The following GPC5 variants were observed in gnomAD, a reference collection of about 807,000 sequenced individuals.
GPC5 encodes glypican 5, also known as glypican-5.
Under a neutral mutation model 53.9 loss-of-function variants are expected in GPC5, and 47 were observed. The ratio of observed to expected loss-of-function variants is 0.87; its 90% CI spans 0.69 to 1.11. The LOEUF (loss-of-function observed/expected upper bound fraction) is 1.11. GPC5 is among the 50% of genes most tolerant of loss of function. The probability of loss-of-function intolerance (pLI) is 0.00; values close to 1 mark genes in which losing one functional copy is unlikely to be tolerated. For missense variants in GPC5, 748 were observed against 713.1 expected, an observed-to-expected ratio of 1.05 and a Z score of -0.56; for synonymous variants, 286 against 263.3, an observed-to-expected ratio of 1.09 and a Z score of -0.84.
intron 1 of GPC5, among the ~76,000 whole-genome samples, chr13:91,428,172 T>C (rs1879187955): frequency 6.6e-6 from 1 of 152,178 alleles, no homozygotes; most frequent in South Asian, 2.1e-4. Context: ...TTACAGCTCC[T>C]TCACTCCCAC....
chr13:92,701,153 A>AT (rs757876913), intron 7 of GPC5, among the ~76,000 whole-genome samples: 12 of 152,146 alleles, frequency 7.9e-5, no homozygotes, highest in Non-Finnish European at 1.8e-4. Flanking sequence ...TATTTTTGTC[A>AT]TTTTAGGACA....
intron 7 of GPC5, among the ~76,000 whole-genome samples, chr13:92,593,458 T>C (rs1257168780): frequency 6.6e-6 from 1 of 151,244 alleles, no homozygotes; most frequent in African/African-American, 2.4e-5. Flanking sequence ...TTAATGTTTA[T>C]GAGACATCCA....
intron 3 of GPC5, among the ~76,000 whole-genome samples, chr13:91,717,033 G>C (rs971552196): frequency 6.6e-6 from 1 of 152,142 alleles, no homozygotes; most frequent in Non-Finnish European, 1.5e-5. Flanking sequence ...AAATCCCACC[G>C]GGGACGTGCA....
At chr13:91,948,221 C>T (rs1244794968) in intron 6 of GPC5, among the ~76,000 whole-genome samples, 1 of 66,906 alleles carries the variant, frequency 1.5e-5, no homozygotes, top group South Asian at 7.2e-4. Flanking sequence ...GAGGGAGACT[C>T]TGTCTCAAAA....
chr13:91,427,943 C>T (rs1215415199), intron 1 of GPC5, among the ~76,000 whole-genome samples: 5 of 152,052 alleles, frequency 3.3e-5, no homozygotes, highest in African/African-American at 1.2e-4. Context: ...TCTCTCTTGC[C>T]TGATGCCATG....
intron 7 of GPC5, among the ~76,000 whole-genome samples, chr13:92,458,112 G>A (rs546764149): frequency 3.9e-5 from 6 of 152,150 alleles, no homozygotes; most frequent in East Asian, 1.9e-4. Flanking sequence ...TTTCTATATG[G>A]CAAGTTTCAA....
At chr13:92,096,933 T>C (rs929699031) in intron 6 of GPC5, among the ~76,000 whole-genome samples, 3 of 152,162 alleles carry the variant, frequency 2.0e-5, no homozygotes, top group Non-Finnish European at 2.9e-5. Flanking sequence ...TAAACCTAGA[T>C]GGTCTGAAAA....
At chr13:92,366,665 G>A (rs1333304039) in intron 7 of GPC5, among the ~76,000 whole-genome samples, 1 of 152,238 alleles carries the variant, frequency 6.6e-6, no homozygotes, top group Non-Finnish European at 1.5e-5. Flanking sequence ...AGCATTTACA[G>A]CTACGGCTGT....
At chr13:92,283,227 A>G (rs1174402677) in intron 7 of GPC5, among the ~76,000 whole-genome samples, 1 of 152,144 alleles carries the variant, frequency 6.6e-6, no homozygotes, top group African/African-American at 2.4e-5. Context: ...TACAGGAGTA[A>G]CCAGATTCAT....
chr13:92,678,183 T>C (rs1887008388), intron 7 of GPC5, among the ~76,000 whole-genome samples: 1 of 152,212 alleles, frequency 6.6e-6, no homozygotes, highest in Non-Finnish European at 1.5e-5. Flanking sequence ...AGGAATACCA[T>C]GGTGAATAAC....
At chr13:92,685,546 T>TTTTTTTTTTTAA (rs1555302902) in intron 7 of GPC5, among the ~76,000 whole-genome samples, 4 of 93,688 alleles carry the variant, frequency 4.3e-5, no homozygotes, top group African/African-American at 1.6e-4. Context: ...TTATGCTCAT[T>TTTTTTTTTTTAA]TTTTTTTTTT....
chr13:92,114,702 A>G (rs1364783344), intron 6 of GPC5, among the ~76,000 whole-genome samples: 3 of 152,200 alleles, frequency 2.0e-5, no homozygotes, highest in Non-Finnish European at 4.4e-5. Context: ...CTCCCAGTTT[A>G]CAGAGATAGA....
chr13:92,311,151 C>T (rs1015988610), intron 7 of GPC5, among the ~76,000 whole-genome samples: 13 of 151,940 alleles, frequency 8.6e-5, no homozygotes, highest in African/African-American at 1.7e-4. Context: ...TGAACATATA[C>T]GGGAGTCCAT....
At chr13:91,919,348 G>A (rs997839348) in intron 6 of GPC5, among the ~76,000 whole-genome samples, 1 of 152,126 alleles carries the variant, frequency 6.6e-6, no homozygotes, top group Non-Finnish European at 1.5e-5. Context: ...CTCTCTTACA[G>A]TTGTTGAACC....
chr13:91,473,613 C>T (rs75170053), intron 2 of GPC5, among the ~76,000 whole-genome samples: 2,059 of 152,254 alleles, frequency 0.014, 40 homozygotes, highest in African/African-American at 0.043. Context: ...TTATCTCCTT[C>T]TCAGGTGATA....
At chr13:91,842,871 C>T (rs941491584) in intron 5 of GPC5, among the ~76,000 whole-genome samples, 17 of 152,032 alleles carry the variant, frequency 1.1e-4, no homozygotes, top group Non-Finnish European at 2.2e-4. Flanking sequence ...TTTCAGGATA[C>T]ATTTTATTTT....
At chr13:92,712,148 CAAAA>C (rs895637716) in intron 7 of GPC5, among the ~76,000 whole-genome samples, 1 of 151,140 alleles carries the variant, frequency 6.6e-6, no homozygotes, top group African/African-American at 2.4e-5. Context: ...GTGAGACTGA[CAAAA>C]AAGATAAAAG....
At chr13:92,542,175 C>T (rs1246234877) in intron 7 of GPC5, among the ~76,000 whole-genome samples, 1 of 152,002 alleles carries the variant, frequency 6.6e-6, no homozygotes, top group African/African-American at 2.4e-5. Flanking sequence ...TTTATCATTT[C>T]TTAGTGTTGG....
At chr13:92,457,788 C>T (rs981205846) in intron 7 of GPC5, among the ~76,000 whole-genome samples, 63 of 152,140 alleles carry the variant, frequency 4.1e-4, no homozygotes, top group African/African-American at 1.4e-3. Flanking sequence ...TCTTTGATTA[C>T]ATTATCCTGC....
Sources: allele counts gnomAD v4.1 joint callset (sites outside exome capture counted in the v4.1 genomes callset), GRCh38; gene constraint gnomAD v4.1.1; transcripts MANE v1.5; gene names NCBI Gene and HGNC (gene_info 2026-07-23, HGNC 2026-07-21).